Variants in ZMAT4 observed in about 807,000 individuals in gnomAD.
ZMAT4 encodes the protein zinc finger matrin-type protein 4.
ZMAT4 carries 17 observed loss-of-function variants against 28.7 expected under a neutral mutation model. The ratio of observed to expected loss-of-function variants is 0.59; its 90% CI spans 0.41 to 0.89. The LOEUF is 0.89. Ranked by LOEUF, ZMAT4 falls within the 40% of genes least tolerant of loss-of-function variation. The pLI is 0.00. For synonymous variants in ZMAT4, 117 were observed against 109.2 expected, an observed-to-expected ratio of 1.07 and a Z score of -0.44; for missense variants, 240 against 283.8, an observed-to-expected ratio of 0.85 and a Z score of 1.11.
intron 1 of ZMAT4, among the ~76,000 whole-genome samples, chr8:40,862,499 A>G (rs1268941661): frequency 2.0e-5 from 3 of 148,718 alleles, no homozygotes; most frequent in Admixed American, 6.7e-5. Context: ...GCAGCACACC[A>G]GCATGGCACA....
intron 3 of ZMAT4, among the ~76,000 whole-genome samples, chr8:40,755,176 T>G (rs199968412): frequency 2.2e-4 from 34 of 152,074 alleles, no homozygotes; most frequent in Admixed American, 7.9e-4. Flanking sequence ...AACTCGGGGG[T>G]TTGAAATGAT....
intron 3 of ZMAT4, among the ~76,000 whole-genome samples, chr8:40,741,794 A>G (rs1812015204): frequency 6.6e-6 from 1 of 152,222 alleles, no homozygotes; most frequent in Non-Finnish European, 1.5e-5. Flanking sequence ...CAAAAATAAT[A>G]GCGAAAAGTT....
chr8:40,612,873 C>T lies in ZMAT4; in HGVS notation c.578-31612G>A, dbSNP rs1358634587. 2.4e-4 allele frequency among the ~76,000 whole-genome samples: 34 copies of T among 142,914 alleles called. 2 individuals are homozygous for T. The highest frequency in any genetic ancestry group is 2.2e-4 in the East Asian group (1 of 4,562). The allele number at this position is 142,914 out of a possible 152,430, so 93.8% of individuals were successfully genotyped here. A position where few individuals can be genotyped will look rare whatever the true frequency, so the allele number is the denominator to read the frequency against. ...TGTCCCCCAGGCTGGAGTGCAATGA[C>T]GTGATCTTGGCTCACTGCAACCTCC... is the stretch of plus-strand genomic sequence containing the variant. On this transcript the variant is annotated intron_variant, in intron 5 of 6. Coordinates refer to ENST00000297737, the MANE Select transcript of ZMAT4 (RefSeq NM_024645.3).
At chr8:40,864,684 A>G (rs931307934) in intron 1 of ZMAT4, among the ~76,000 whole-genome samples, 1 of 152,130 alleles carries the variant, frequency 6.6e-6, no homozygotes, top group Admixed American at 6.5e-5. Flanking sequence ...TTGGGTTGTG[A>G]CCTACCCCAG....
At chr8:40,648,453 G>C in intron 5 of ZMAT4, among the ~76,000 whole-genome samples, 1 of 151,482 alleles carries the variant, frequency 6.6e-6, no homozygotes, top group South Asian at 2.1e-4. Context: ...TCTGATTGGT[G>C]TACCGGAAAG....
intron 1 of ZMAT4, among the ~76,000 whole-genome samples, chr8:40,849,619 GA>G (rs1231480059): frequency 6.6e-6 from 1 of 152,114 alleles, no homozygotes; most frequent in African/African-American, 2.4e-5. Context: ...AAAGGGTGGG[GA>G]GAGAAGACAA....
At chr8:40,705,419 T>C (rs1324315477) in intron 3 of ZMAT4, among the ~76,000 whole-genome samples, 1 of 152,178 alleles carries the variant, frequency 6.6e-6, no homozygotes, top group Non-Finnish European at 1.5e-5. Context: ...TTAGATGACT[T>C]AGATATTTAA....
intron 1 of ZMAT4, chr8:40,884,742 C>G (rs749233797): frequency 5.2e-5 from 8 of 152,428 alleles, no homozygotes; most frequent in Non-Finnish European, 8.8e-5. Flanking sequence ...GTCCCCATTG[C>G]TGGTTCCTCT....
intron 5 of ZMAT4, among the ~76,000 whole-genome samples, chr8:40,642,437 G>A (rs912299390): frequency 6.6e-6 from 1 of 152,166 alleles, no homozygotes; most frequent in African/African-American, 2.4e-5. Flanking sequence ...CAGTCAATGT[G>A]GCTATCAGGA....
At chr8:40,684,487 G>A (rs1484340959) in intron 4 of ZMAT4, among the ~76,000 whole-genome samples, 1 of 152,158 alleles carries the variant, frequency 6.6e-6, no homozygotes, top group Non-Finnish European at 1.5e-5. Flanking sequence ...GTATCCTATA[G>A]GAGCTACAGG....
intron 3 of ZMAT4, among the ~76,000 whole-genome samples, chr8:40,762,859 C>A (rs1429461483): frequency 6.6e-6 from 1 of 152,110 alleles, no homozygotes; most frequent in Admixed American, 6.6e-5. Context: ...TTTGTTGAAG[C>A]CACCCAGTTT....
chr8:40,683,716 G>A (rs1456295664), intron 4 of ZMAT4, among the ~76,000 whole-genome samples: 1 of 152,116 alleles, frequency 6.6e-6, no homozygotes, highest in Non-Finnish European at 1.5e-5. Context: ...ATTCATTAGT[G>A]TAGTTATTTA....
chr8:40,822,383 A>G (rs1460968507), intron 2 of ZMAT4, among the ~76,000 whole-genome samples: 1 of 152,220 alleles, frequency 6.6e-6, no homozygotes, highest in African/African-American at 2.4e-5. Flanking sequence ...GGTTGAACTG[A>G]AAAATGAAAT....
chr8:40,732,983 T>C (rs1563443494), intron 3 of ZMAT4, among the ~76,000 whole-genome samples: 1 of 151,792 alleles, frequency 6.6e-6, no homozygotes, highest in Non-Finnish European at 1.5e-5. Context: ...GTAGCTGGGT[T>C]GACAGGCACA....
chr8:40,682,019 A>G (rs1349389458), intron 4 of ZMAT4, among the ~76,000 whole-genome samples: 1 of 152,116 alleles, frequency 6.6e-6, no homozygotes, highest in African/African-American at 2.4e-5. Flanking sequence ...ACTTTATATA[A>G]CTATAACTAC....
chr8:40,738,940 C>T (rs1031103736), intron 3 of ZMAT4, among the ~76,000 whole-genome samples: 8 of 152,184 alleles, frequency 5.3e-5, no homozygotes, highest in Admixed American at 4.6e-4. Context: ...ATTTAGTGCT[C>T]ATAAAAGTTT....
At chr8:40,712,957 C>A (rs769802515) in intron 3 of ZMAT4, among the ~76,000 whole-genome samples, 1 of 151,796 alleles carries the variant, frequency 6.6e-6, no homozygotes, top group Non-Finnish European at 1.5e-5. Flanking sequence ...GAGGTTGGAA[C>A]AAAATGATTC....
intron 6 of ZMAT4, among the ~76,000 whole-genome samples, chr8:40,541,966 T>A (rs1803047450): frequency 6.6e-6 from 1 of 152,106 alleles, no homozygotes; most frequent in African/African-American, 2.4e-5. Flanking sequence ...GGAAAGTTAC[T>A]CTCCAAAGCT....
At chr8:40,649,565 C>T (rs1807531567) in intron 5 of ZMAT4, among the ~76,000 whole-genome samples, 1 of 152,080 alleles carries the variant, frequency 6.6e-6, no homozygotes, top group African/African-American at 2.4e-5. Flanking sequence ...CAGCTCTGCA[C>T]CAAGCAGACC....
Sources: allele counts gnomAD v4.1 joint callset (sites outside exome capture counted in the v4.1 genomes callset), GRCh38; gene constraint gnomAD v4.1.1; transcripts MANE v1.5; gene names NCBI Gene and HGNC (gene_info 2026-07-23, HGNC 2026-07-21).